The following GRID2 variants were observed in gnomAD, a reference collection of about 807,000 sequenced individuals.
GRID2 encodes glutamate ionotropic receptor delta type subunit 2.
In GRID2, 33 loss-of-function variants were observed where a neutral mutation model predicts 114.8. The observed-to-expected ratio is 0.29, with a 90% CI of 0.22 to 0.38. The LOEUF is 0.38. Ranked by LOEUF, GRID2 falls within the 10% of genes least tolerant of loss-of-function variation. The pLI is 1.00. For synonymous variants in GRID2, 505 were observed against 449.9 expected (o/e 1.12, Z -1.55); for missense variants, 1,184 against 1,257.7 (o/e 0.94, Z 0.89).
At chr4:93,481,766 T>A (rs937938872) in intron 11 of GRID2, among the ~76,000 whole-genome samples, 4 of 152,042 alleles carry the variant, frequency 2.6e-5, no homozygotes, top group Non-Finnish European at 5.9e-5. Flanking sequence ...AATCTCATTT[T>A]TATGGTTCTG....
chr4:93,041,944 C>G (rs1427764144), intron 2 of GRID2, among the ~76,000 whole-genome samples: 1 of 151,930 alleles, frequency 6.6e-6, no homozygotes, highest in African/African-American at 2.4e-5. Flanking sequence ...TCTGTGTCAC[C>G]CAGGCTGGAG....
chr4:92,630,210 G>T (rs1370411631), intron 2 of GRID2, among the ~76,000 whole-genome samples: 2 of 152,122 alleles, frequency 1.3e-5, no homozygotes, highest in South Asian at 4.1e-4. Flanking sequence ...CTGATTATGT[G>T]TTTTGAGGGA....
intron 2 of GRID2, among the ~76,000 whole-genome samples, chr4:92,603,168 G>C (rs534979680): frequency 6.6e-6 from 1 of 151,952 alleles, no homozygotes; most frequent in East Asian, 1.9e-4. Flanking sequence ...TTAAACTACC[G>C]ATGACATTCT....
intron 2 of GRID2, among the ~76,000 whole-genome samples, chr4:92,845,235 T>C (rs1466092023): frequency 1.3e-5 from 2 of 152,108 alleles, no homozygotes; most frequent in African/African-American, 4.8e-5. Flanking sequence ...TGAAACTCTT[T>C]TTATTCTCTT....
At chr4:93,480,412 C>T (rs2149445973) in intron 11 of GRID2, among the ~76,000 whole-genome samples, 1 of 152,116 alleles carries the variant, frequency 6.6e-6, no homozygotes, top group South Asian at 2.1e-4. Flanking sequence ...AGATTTCTGC[C>T]TTCAGATGTG....
intron 13 of GRID2, among the ~76,000 whole-genome samples, chr4:93,565,532 C>A (rs912576108): frequency 6.6e-6 from 1 of 151,876 alleles, no homozygotes; most frequent in Non-Finnish European, 1.5e-5. Flanking sequence ...CACGAAAAAA[C>A]CTATTGTATT....
chr4:92,594,320 T>C (rs1402026806), intron 2 of GRID2, among the ~76,000 whole-genome samples: 1 of 151,936 alleles, frequency 6.6e-6, no homozygotes, highest in Non-Finnish European at 1.5e-5. Flanking sequence ...AATTTCAATC[T>C]AGGTGATAAA....
chr4:93,570,226 T>C lies in GRID2; in HGVS notation c.2193+54815T>C, dbSNP rs1464597527. ...GCCAGTGGTGGAGCTGGGACTCAGC[T>C]GAGCTCTTGGTCATGTGTTATACTT... On this transcript the variant is annotated intron_variant, in intron 13 of 15. Coordinates refer to ENST00000282020, the MANE Select transcript of GRID2 (RefSeq NM_001510.4). Among the ~76,000 whole-genome samples, 5 of 152,210 alleles carry C rather than the reference T, an allele frequency of 3.3e-5. No homozygotes were observed. The South Asian group carries it at 1.0e-3, about 32-fold the overall frequency.
intron 1 of GRID2, among the ~76,000 whole-genome samples, chr4:92,361,366 G>A (rs1293858633): frequency 6.6e-6 from 1 of 151,932 alleles, no homozygotes; most frequent in African/African-American, 2.4e-5. Flanking sequence ...CAGTGTATCA[G>A]TATATGGAAA....
At chr4:93,384,450 C>T (rs1384012902) in intron 8 of GRID2, among the ~76,000 whole-genome samples, 1 of 152,086 alleles carries the variant, frequency 6.6e-6, no homozygotes, top group Non-Finnish European at 1.5e-5. Flanking sequence ...TTGTAAAACA[C>T]TCAGCACTTA....
chr4:92,796,740 A>G (rs1454354229), intron 2 of GRID2, among the ~76,000 whole-genome samples: 2 of 151,834 alleles, frequency 1.3e-5, no homozygotes, highest in Non-Finnish European at 2.9e-5. Context: ...TCCTGATATC[A>G]TTCTGTACAT....
chr4:92,614,582 G>A (rs1729910980), intron 2 of GRID2, among the ~76,000 whole-genome samples: 1 of 151,494 alleles, frequency 6.6e-6, no homozygotes, highest in Non-Finnish European at 1.5e-5. Context: ...AATACTGTAT[G>A]ATTTCAATCA....
intron 8 of GRID2, among the ~76,000 whole-genome samples, chr4:93,349,639 G>T (rs919080207): frequency 6.6e-6 from 1 of 151,984 alleles, no homozygotes; most frequent in Non-Finnish European, 1.5e-5. Context: ...TTACACAGGA[G>T]AAAATTTAAG....
chr4:93,504,302 A>G (rs1728421800), intron 12 of GRID2, among the ~76,000 whole-genome samples: 1 of 152,078 alleles, frequency 6.6e-6, no homozygotes, highest in African/African-American at 2.4e-5. Context: ...GCCATATGCA[A>G]GGTAGTGATC....
chr4:93,796,998 T>C (rs773436913), intron 1 of GRID2, among the ~76,000 whole-genome samples: 3 of 152,216 alleles, frequency 2.0e-5, no homozygotes, highest in Non-Finnish European at 4.4e-5. Flanking sequence ...CAAACCTAGA[T>C]GGTATAGCCT....
intron 1 of GRID2, among the ~76,000 whole-genome samples, chr4:92,311,974 G>GCCATTTTTAT (rs1560561239): frequency 2.6e-5 from 4 of 152,030 alleles, no homozygotes; most frequent in African/African-American, 9.7e-5. Flanking sequence ...GAAGCAAAAT[G>GCCATTTTTAT]AGGGAATGAA....
At chr4:93,435,543 G>C (rs557163872) in intron 10 of GRID2, among the ~76,000 whole-genome samples, 1 of 152,270 alleles carries the variant, frequency 6.6e-6, no homozygotes. Context: ...AGGAGTTGCA[G>C]AATGCGGAAT....
At chr4:92,464,203 T>G (rs1721637127) in intron 1 of GRID2, among the ~76,000 whole-genome samples, 1 of 152,078 alleles carries the variant, frequency 6.6e-6, no homozygotes, top group Non-Finnish European at 1.5e-5. Flanking sequence ...ACCAAAAGAA[T>G]GAGAAAGATA....
intron 1 of GRID2, among the ~76,000 whole-genome samples, chr4:92,542,574 T>TA (rs1726024253): frequency 6.6e-6 from 1 of 151,830 alleles, no homozygotes; most frequent in African/African-American, 2.4e-5. Flanking sequence ...AAGTGAGAGC[T>TA]AAGCTATGAA....
Sources: allele counts gnomAD v4.1 joint callset (sites outside exome capture counted in the v4.1 genomes callset), GRCh38; gene constraint gnomAD v4.1.1; transcripts MANE v1.5; gene names NCBI Gene and HGNC (gene_info 2026-07-23, HGNC 2026-07-21).